The following ADAMTSL3 variants were observed in gnomAD, a reference collection of about 807,000 sequenced individuals.
ADAMTSL3 encodes ADAMTS-like protein 3.
ADAMTSL3 carries 128 observed loss-of-function variants against 201.7 expected under a neutral mutation model. That is an observed-to-expected ratio of 0.63 (90% CI 0.55 to 0.73). ADAMTSL3 has a LOEUF of 0.73. Ranked by LOEUF, ADAMTSL3 falls within the 30% of genes least tolerant of loss-of-function variation. The pLI, the probability that ADAMTSL3 is intolerant of heterozygous loss-of-function variation, is 0.00. For synonymous variants in ADAMTSL3, 738 were observed against 748.4 expected, an observed-to-expected ratio of 0.99 and a Z score of 0.23; for missense variants, 1,990 against 2,119.6, an observed-to-expected ratio of 0.94 and a Z score of 1.20.
intron 3 of ADAMTSL3, among the ~76,000 whole-genome samples, chr15:83,773,266 G>T (rs181951175): frequency 4.1e-4 from 63 of 152,180 alleles, no homozygotes; most frequent in African/African-American, 1.5e-3. Flanking sequence ...ACAAAAGTTA[G>T]GTGTGGTGGT....
At chr15:83,978,748 TC>T (rs2067333096) in intron 20 of ADAMTSL3, among the ~76,000 whole-genome samples, 1 of 152,158 alleles carries the variant, frequency 6.6e-6, no homozygotes, top group South Asian at 2.1e-4. Context: ...CACCTGCCAG[TC>T]AAAATGCCCC....
Position 83,959,621 on chromosome 15 carries a change from A to G in ADAMTSL3, c.2491-10863A>G, listed in dbSNP as rs569109945. Among the ~76,000 whole-genome samples the G allele has an allele frequency of 3.9e-5, 6 of 152,350 alleles. No individual in the cohort carries two copies. The South Asian group carries it at 1.2e-3, about 32-fold the overall frequency. On this transcript the variant is annotated intron_variant, in intron 19 of 29. Coordinates refer to ENST00000286744, the MANE Select transcript of ADAMTSL3 (RefSeq NM_207517.3). ...TTATATCCTGCCAAACTGACTTTCA[A>G]GTTTAAAGGCCACAGGCAAATAGTT...
At chr15:83,987,046 A>G (rs995459574) in intron 21 of ADAMTSL3, among the ~76,000 whole-genome samples, 1 of 152,352 alleles carries the variant, frequency 6.6e-6, no homozygotes, top group Admixed American at 6.5e-5. Context: ...CCTACAAAAC[A>G]AAGGCATTAT....
At chr15:83,876,237 C>T (rs1481838647) in intron 9 of ADAMTSL3, among the ~76,000 whole-genome samples, 5 of 152,196 alleles carry the variant, frequency 3.3e-5, no homozygotes, top group East Asian at 3.9e-4. Flanking sequence ...TGGTTCCTTG[C>T]GTAATTGTTG....
chr15:83,752,679 C>T (rs1435938821), intron 3 of ADAMTSL3, among the ~76,000 whole-genome samples: 1 of 152,176 alleles, frequency 6.6e-6, no homozygotes, highest in Non-Finnish European at 1.5e-5. Flanking sequence ...ATGTGCATAA[C>T]AAGTGCTTGA....
At chr15:83,782,581 A>G (rs2063189903) in intron 4 of ADAMTSL3, among the ~76,000 whole-genome samples, 1 of 152,170 alleles carries the variant, frequency 6.6e-6, no homozygotes, top group East Asian at 1.9e-4. Flanking sequence ...AGGAACATGG[A>G]TGAAGCTGGA....
rs2068204406 is a variant in ADAMTSL3 at position 84,021,495 on chromosome 15, G to A, written c.4359G>A (p.Val1453=). Residue 1453 remains valine (V), a synonymous_variant, in exon 26 of 30, where the codon GTG becomes GTA. Transcript: ENST00000286744. ...CCCGCATTCAGAGACCCCAGTGTGT[G>A]ATGGCCAATGGGCAGGAAGTGAGTG... ...LGARIQRPQC[V]MANGQEVSEA... is the part of the protein sequence containing the mutation. The A allele has an allele frequency of 6.2e-7, 1 of 1,614,170 alleles. No homozygotes were observed. Among genetic ancestry groups the A allele is most frequent in the South Asian group, 1.1e-5 (1 of 91,082 alleles).
chr15:83,916,529 T>A (rs900463792), intron 16 of ADAMTSL3, among the ~76,000 whole-genome samples: 9 of 152,300 alleles, frequency 5.9e-5, no homozygotes, highest in African/African-American at 2.2e-4. Flanking sequence ...AAAAAGTAAA[T>A]TTTTAATTTC....
At chr15:84,028,917 A>T (rs1244367834) in intron 27 of ADAMTSL3, among the ~76,000 whole-genome samples, 1 of 152,062 alleles carries the variant, frequency 6.6e-6, no homozygotes, top group African/African-American at 2.4e-5. Flanking sequence ...CCCCTTTGGC[A>T]CTTCTCCTTC....
intron 6 of ADAMTSL3, among the ~76,000 whole-genome samples, chr15:83,830,620 A>C (rs191686508): frequency 2.0e-5 from 3 of 152,220 alleles, no homozygotes; most frequent in African/African-American, 7.2e-5. Context: ...AGGATGCATT[A>C]GTTTCCTGTG....
chr15:83,914,975 A>G (rs2066007559), intron 16 of ADAMTSL3, among the ~76,000 whole-genome samples: 1 of 151,722 alleles, frequency 6.6e-6, no homozygotes, highest in Admixed American at 6.6e-5. Context: ...GTTTGGGGAA[A>G]CCCTCTAGAG....
chr15:83,769,651 A>G (rs2062947173), intron 3 of ADAMTSL3, among the ~76,000 whole-genome samples: 1 of 152,246 alleles, frequency 6.6e-6, no homozygotes, highest in Non-Finnish European at 1.5e-5. Flanking sequence ...TAGCTTGGCA[A>G]GAAGCCATAA....
At chr15:83,937,567 A>C (rs2066482625) in intron 17 of ADAMTSL3, among the ~76,000 whole-genome samples, 1 of 150,882 alleles carries the variant, frequency 6.6e-6, no homozygotes, top group African/African-American at 2.5e-5. Flanking sequence ...TACTATGCTT[A>C]TTTATATGGG....
At chr15:83,676,453 C>T (rs939062738) in intron 2 of ADAMTSL3, among the ~76,000 whole-genome samples, 6 of 151,952 alleles carry the variant, frequency 3.9e-5, no homozygotes, top group South Asian at 4.2e-4. Flanking sequence ...CTGAGGTGGG[C>T]GGATCATGAG....
chr15:83,926,834 C>A (rs2066255886), intron 17 of ADAMTSL3, among the ~76,000 whole-genome samples: 1 of 152,156 alleles, frequency 6.6e-6, no homozygotes, highest in African/African-American at 2.4e-5. Flanking sequence ...CTAGGCTGGT[C>A]TCAAACTCCT....
intron 3 of ADAMTSL3, among the ~76,000 whole-genome samples, chr15:83,705,609 C>G (rs1309753347): frequency 1.3e-5 from 2 of 152,016 alleles, no homozygotes; most frequent in Non-Finnish European, 2.9e-5. Context: ...GAAAGTCTTG[C>G]AGAGCATCAG....
chr15:83,727,805 G>A (rs987160232), intron 3 of ADAMTSL3, among the ~76,000 whole-genome samples: 5 of 151,876 alleles, frequency 3.3e-5, no homozygotes, highest in Non-Finnish European at 5.9e-5. Context: ...CCTTGAGAAC[G>A]AGCCATGTGT....
intron 2 of ADAMTSL3, among the ~76,000 whole-genome samples, chr15:83,702,798 T>G (rs2061794780): frequency 6.6e-6 from 1 of 152,200 alleles, no homozygotes; most frequent in South Asian, 2.1e-4. Flanking sequence ...AAGGGAAATG[T>G]GGGGTCGGAG....
intron 7 of ADAMTSL3, among the ~76,000 whole-genome samples, chr15:83,838,628 T>C (rs2064321319): frequency 6.6e-6 from 1 of 152,208 alleles, no homozygotes; most frequent in Non-Finnish European, 1.5e-5. Context: ...TGGATGTAGA[T>C]CTTTTCCTCA....
Sources: allele counts gnomAD v4.1 joint callset (sites outside exome capture counted in the v4.1 genomes callset), GRCh38; gene constraint gnomAD v4.1.1; transcripts MANE v1.5; gene names NCBI Gene and HGNC (gene_info 2026-07-23, HGNC 2026-07-21).